The following MEI1 variants were observed in gnomAD, a reference collection of about 807,000 sequenced individuals.
MEI1 encodes the protein meiotic double-stranded break formation protein 1.
A neutral mutation model predicts 146.2 loss-of-function variants in MEI1; 103 were observed. The ratio of observed to expected loss-of-function variants is 0.70; its 90% CI spans 0.60 to 0.83. The LOEUF (loss-of-function observed/expected upper bound fraction) is 0.83. MEI1 is among the 40% of genes least tolerant of loss of function. MEI1 has a pLI of 0.00. For missense variants in MEI1, 1,529 were observed against 1,533.0 expected, an observed-to-expected ratio of 1.00 and a Z score of 0.04; for synonymous variants, 652 against 628.2, an observed-to-expected ratio of 1.04 and a Z score of -0.57.
intron 5 of MEI1, among the ~76,000 whole-genome samples, chr22:41,716,550 A>G (rs2070198137): frequency 6.8e-6 from 1 of 146,080 alleles, no homozygotes; most frequent in African/African-American, 2.5e-5. Flanking sequence ...CTAATTTTGT[A>G]TTTTTGGTAG....
At chr22:41,737,597 A>G (rs1372038333) in intron 11 of MEI1, among the ~76,000 whole-genome samples, 2 of 151,834 alleles carry the variant, frequency 1.3e-5, no homozygotes, top group Non-Finnish European at 2.9e-5. Context: ...GCTGGAGTGC[A>G]GTCATGCGAT....
intron 18 of MEI1, among the ~76,000 whole-genome samples, chr22:41,758,997 G>C (rs540554922): frequency 1.3e-5 from 2 of 152,068 alleles, no homozygotes; most frequent in East Asian, 1.9e-4. Flanking sequence ...ACAAAAATTA[G>C]CCGGGCATGG....
chr22:41,712,707 A>AAT (rs980837611), intron 3 of MEI1, among the ~76,000 whole-genome samples: 64 of 109,770 alleles, frequency 5.8e-4, no homozygotes, highest in African/African-American at 2.1e-3. Flanking sequence ...TGTGTGGAGC[A>AAT]ATATATATAT....
intron 26 of MEI1, among the ~76,000 whole-genome samples, chr22:41,786,610 C>T (rs1217779538): frequency 6.6e-6 from 1 of 152,208 alleles, no homozygotes; most frequent in African/African-American, 2.4e-5. Flanking sequence ...AGAATTGAGT[C>T]TCATTAGGCT....
At chr22:41,700,699 A>G (rs931076021) in intron 1 of MEI1, among the ~76,000 whole-genome samples, 2 of 149,780 alleles carry the variant, frequency 1.3e-5, no homozygotes, top group South Asian at 2.1e-4. Context: ...TCTCCAATTC[A>G]TGGGAGGGGA....
At chr22:41,733,187 C>T (rs1231164439) in intron 11 of MEI1, among the ~76,000 whole-genome samples, 7 of 152,076 alleles carry the variant, frequency 4.6e-5, no homozygotes, top group Non-Finnish European at 1.0e-4. Flanking sequence ...TGGTGGCTCA[C>T]ACCTGTAATC....
chr22:41,727,865 C>T (rs534436195), intron 7 of MEI1, among the ~76,000 whole-genome samples: 4 of 152,216 alleles, frequency 2.6e-5, no homozygotes, highest in African/African-American at 9.6e-5. Flanking sequence ...GGAAGCTCAT[C>T]GGAGTGTCAG....
At chr22:41,753,798 C>T in intron 16 of MEI1, 151 bp from the exon 17 acceptor site, 1 of 611,440 alleles carries the variant, frequency 1.6e-6, no homozygotes. Context: ...CTTTTCATAG[C>T]CACCTTAAGA....
chr22:41,725,271 C>T (rs1238758988), intron 7 of MEI1, among the ~76,000 whole-genome samples: 2 of 152,000 alleles, frequency 1.3e-5, no homozygotes, highest in Non-Finnish European at 2.9e-5. Context: ...AGCCACCATG[C>T]CCGGCTAATT....
At chr22:41,699,734 C>G in intron 1 of MEI1, 22 bp downstream of exon 1, 1 of 1,538,386 alleles carries the variant, frequency 6.5e-7, no homozygotes, top group Non-Finnish European at 8.7e-7. Flanking sequence ...ACCTTTTCTT[C>G]AGAAGACCTG....
At chr22:41,710,920 C>G (rs1361419561) in intron 3 of MEI1, among the ~76,000 whole-genome samples, 1 of 152,154 alleles carries the variant, frequency 6.6e-6, no homozygotes, top group Admixed American at 6.5e-5. Context: ...TGTTGTTGAG[C>G]CCAGCGCATA....
In MEI1 at chr22:41,772,874, C is replaced by A. The variant is rs921944815; in HGVS notation, c.2544+1913C>A. Among the ~76,000 whole-genome samples, 3 of 152,132 alleles carry A rather than the reference C, an allele frequency of 2.0e-5. No homozygotes were observed. The East Asian group carries it at 5.8e-4, about 29-fold the overall frequency. On this transcript the variant is annotated intron_variant, in intron 20 of 30. Coordinates refer to ENST00000401548, the MANE Select transcript of MEI1 (RefSeq NM_152513.4). ...CCCTGACCTCTCTCCTGAGCTCATA[C>A]CCATGAAGTCAACCATCTATTTGAC...
chr22:41,789,616 C>T (rs1325904348), intron 26 of MEI1, among the ~76,000 whole-genome samples: 1 of 152,212 alleles, frequency 6.6e-6, no homozygotes, highest in East Asian at 1.9e-4. Context: ...AACTGAAACT[C>T]TGTACCCATT....
intron 1 of MEI1, among the ~76,000 whole-genome samples, chr22:41,699,964 C>T (rs2068569069): frequency 6.6e-6 from 1 of 152,232 alleles, no homozygotes; most frequent in Non-Finnish European, 1.5e-5. Context: ...GACGGAAATC[C>T]GGATCCCCCG....
At chr22:41,724,740 A>G (rs1464333908) in intron 7 of MEI1, among the ~76,000 whole-genome samples, 3 of 151,994 alleles carry the variant, frequency 2.0e-5, no homozygotes, top group African/African-American at 7.3e-5. Context: ...GCATTGAGCC[A>G]TGATCATGCC....
At chr22:41,708,722 C>A (rs184728561) in intron 3 of MEI1, among the ~76,000 whole-genome samples, 7 of 152,286 alleles carry the variant, frequency 4.6e-5, no homozygotes, top group African/African-American at 1.7e-4. Context: ...ATCTGAAGAT[C>A]CACAATCTAA....
rs1259345634 is a variant in MEI1, at chr22:41,799,172, G to C, written c.3780-82G>C. ...CTTCTGTTCTTGCCTGACCATTCTT[G>C]ACTGTTTTGGGCTCTGGAAGTGTGA... On this transcript the variant is annotated intron_variant, in intron 30 of 30. Transcript: ENST00000401548. The C allele has an allele frequency of 2.2e-6, 3 of 1,341,966 alleles. No homozygotes were observed. The African/African-American group carries it at 4.3e-5, about 19-fold the overall frequency. 83.1% of individuals were successfully genotyped at this position (1,341,966 alleles called of 1,614,324 possible).
intron 20 of MEI1, among the ~76,000 whole-genome samples, chr22:41,773,937 A>G (rs1227392306): frequency 6.6e-6 from 1 of 152,188 alleles, no homozygotes; most frequent in East Asian, 1.9e-4. Context: ...CATATATATA[A>G]TTCTTACCAT....
intron 6 of MEI1, among the ~76,000 whole-genome samples, chr22:41,718,626 C>T (rs1053929361): frequency 6.6e-6 from 1 of 152,270 alleles, no homozygotes; most frequent in East Asian, 1.9e-4. Flanking sequence ...TCCCTCTGGC[C>T]TCCAGGGTAA....
Sources: gnomAD v4.1 joint callset for allele counts (sites outside exome capture counted in the v4.1 genomes callset) on GRCh38, gnomAD v4.1.1 for gene constraint, MANE v1.5 for transcripts, NCBI Gene and HGNC (gene_info 2026-07-23, HGNC 2026-07-21) for gene names.